TMEM123: variants seen among roughly 807,000 people sequenced by gnomAD.
TMEM123 encodes the protein porimin.
TMEM123 carries 16 observed loss-of-function variants against 19.7 expected under a neutral mutation model. That is an observed-to-expected ratio of 0.81 (90% CI 0.55 to 1.23). TMEM123 has a LOEUF of 1.23. Ranked by LOEUF, TMEM123 falls within the 50% of genes most tolerant of loss-of-function variation. The pLI, the probability that TMEM123 is intolerant of heterozygous loss-of-function variation, is 0.00. For synonymous variants in TMEM123, 118 were observed against 99.4 expected, an observed-to-expected ratio of 1.19 and a Z score of -1.12; for missense variants, 313 against 257.8, an observed-to-expected ratio of 1.21 and a Z score of -1.47.
chr11:102,451,209 C>T (rs564303881), intron 1 of TMEM123: 1 of 152,362 alleles, frequency 6.6e-6, no homozygotes, highest in Admixed American at 6.5e-5. Flanking sequence ...CACAGTTTCT[C>T]TAATCGGTAA....
At chr11:102,433,775 GT>G (rs1387129330) in intron 2 of TMEM123, among the ~76,000 whole-genome samples, 1 of 151,690 alleles carries the variant, frequency 6.6e-6, no homozygotes, top group East Asian at 1.9e-4. Context: ...CATAGGGGTG[GT>G]TTCCCCTACG....
At chr11:102,452,391 A>T (rs1016316609) in intron 1 of TMEM123, 133 bp downstream of exon 1, 7 of 701,792 alleles carry the variant, frequency 1.0e-5, no homozygotes, top group Non-Finnish European at 1.0e-5. Flanking sequence ...CCGCCCGGTC[A>T]CCTCTGGGTC....
At chr11:102,437,707 A>G (rs1046335509) in intron 2 of TMEM123, among the ~76,000 whole-genome samples, 2 of 152,188 alleles carry the variant, frequency 1.3e-5, no homozygotes, top group African/African-American at 2.4e-5. Flanking sequence ...TAGAATCACT[A>G]TAGAATTTAA....
rs779763660 is a variant in TMEM123, at chr11:102,402,056, A to T, written c.308T>A (p.Val103Asp). 2 of 1,613,572 alleles carry T rather than the reference A, an allele frequency of 1.2e-6. No individual in the cohort carries two copies. The highest frequency in any genetic ancestry group is 1.7e-6 in the Non-Finnish European group (2 of 1,179,876). The part of the protein sequence containing the change: ...AASNTTTPGM[V>D]STNMTSTTLK... ...GGTGGTAGAAGTCATATTTGTTGAG[A>T]CCATCCCTGGTGTTGTTGTATTAGA... is the stretch of plus-strand genomic sequence containing the variant. The change falls in exon 3 of 5, where the codon GTC (valine) becomes GAC (aspartate). Residue 103 changes from valine to aspartate, a missense_variant. Transcript: ENST00000398136.
At chr11:102,422,424 A>G (rs1952095261) in intron 2 of TMEM123, among the ~76,000 whole-genome samples, 1 of 152,096 alleles carries the variant, frequency 6.6e-6, no homozygotes, top group Non-Finnish European at 1.5e-5. Flanking sequence ...CAGTGAGCCG[A>G]GATTGTGTCA....
chr11:102,423,208 A>G (rs1293300916), intron 2 of TMEM123, among the ~76,000 whole-genome samples: 3 of 152,234 alleles, frequency 2.0e-5, no homozygotes, highest in Non-Finnish European at 4.4e-5. Context: ...ACAGCTATAC[A>G]TACTGTGGTG....
At chr11:102,413,548 G>A (rs934223149) in intron 2 of TMEM123, among the ~76,000 whole-genome samples, 16 of 152,152 alleles carry the variant, frequency 1.1e-4, no homozygotes, top group Middle Eastern at 3.4e-3. Flanking sequence ...GCTTAACTTC[G>A]AGGGGCCAGA....
chr11:102,449,202 G>A (rs1179269587), intron 1 of TMEM123: 2 of 273,436 alleles, frequency 7.3e-6, no homozygotes, highest in South Asian at 4.0e-5. Context: ...TGCCACTGAG[G>A]ACTCTGCTCT....
intron 2 of TMEM123, among the ~76,000 whole-genome samples, chr11:102,433,229 C>A (rs1857730884): frequency 6.6e-6 from 1 of 151,958 alleles, no homozygotes. Flanking sequence ...TCAACGCCAG[C>A]TAGTGACAGC....
intron 2 of TMEM123, among the ~76,000 whole-genome samples, chr11:102,438,093 AC>A (rs1857784251): frequency 6.6e-6 from 1 of 152,078 alleles, no homozygotes; most frequent in Admixed American, 6.5e-5. Flanking sequence ...TTGCTCTGTC[AC>A]CCAGGCTGGA....
intron 2 of TMEM123, among the ~76,000 whole-genome samples, chr11:102,442,742 G>C (rs1213805462): frequency 2.0e-5 from 3 of 152,180 alleles, no homozygotes; most frequent in Non-Finnish European, 1.5e-5. Flanking sequence ...ATTAGGAAAA[G>C]AGGAAGTCAA....
chr11:102,402,127 T>C lies in TMEM123; in HGVS notation c.237A>G (p.Ser79=), dbSNP rs201136572. Residue 79 remains serine, a synonymous_variant, in exon 3 of 5, where the codon TCA becomes TCG. Coordinates refer to ENST00000398136, the MANE Select transcript of TMEM123 (RefSeq NM_052932.3). ...STVKPPTSVA[S]DSSNTTVTTM... is the part of the protein sequence containing the mutation. Reference sequence around the variant, plus strand: ...TGGTGACCGTTGTATTACTGGAGTCTGAGGCAACTGAAGTTGGTGGTTTCA... The same window carrying C: ...TGGTGACCGTTGTATTACTGGAGTCCGAGGCAACTGAAGTTGGTGGTTTCA... 6.2e-6 allele frequency: 10 copies of C among 1,614,190 alleles called. No individual in the cohort carries two copies. Among genetic ancestry groups the C allele is most frequent in the African/African-American group, 4.0e-5 (3 of 75,044 alleles).
Position 102,452,755 on chromosome 11 carries a change from G to C in TMEM123, c.-132C>G. 1.5e-6 allele frequency: 1 copy of C among 663,466 alleles called. No homozygotes were observed. The highest frequency in any genetic ancestry group is 2.2e-6 in the Non-Finnish European group (1 of 456,588). The allele number at this position is 663,466 out of a possible 1,614,324, so 41.1% of individuals were successfully genotyped here. On this transcript the variant is annotated 5_prime_UTR_variant, in exon 1 of 5. Transcript: ENST00000398136. Reference sequence around the variant, plus strand: ...GCGCACGTTTCCCCTCCCGCCGCTTGCCCCCCGAATGACCAAATAGGGCGC... The same window carrying C: ...GCGCACGTTTCCCCTCCCGCCGCTTCCCCCCCGAATGACCAAATAGGGCGC...
At chr11:102,411,314 A>G (rs1374992229) in intron 2 of TMEM123, among the ~76,000 whole-genome samples, 2 of 152,086 alleles carry the variant, frequency 1.3e-5, no homozygotes, top group Non-Finnish European at 2.9e-5. Flanking sequence ...GTTCCCAGAG[A>G]GCGTATCGAA....
chr11:102,433,020 G>C (rs751891804), intron 2 of TMEM123, among the ~76,000 whole-genome samples: 1 of 152,144 alleles, frequency 6.6e-6, no homozygotes, highest in East Asian at 1.9e-4. Flanking sequence ...CCAGGCAGAA[G>C]TTTGCTGCAG....
rs141288663 is a variant in TMEM123 at position 102,416,736 on chromosome 11, A to G, written c.158-14530T>C. 7.5e-4 allele frequency among the ~76,000 whole-genome samples: 114 copies of G among 152,290 alleles called. 1 individual carries two copies. Among genetic ancestry groups the G allele is most frequent in the African/African-American group, 2.5e-3 (103 of 41,576 alleles). On this transcript the variant is annotated intron_variant, in intron 2 of 4. Coordinates refer to ENST00000398136, the MANE Select transcript of TMEM123 (RefSeq NM_052932.3). ...GCCAATATCCCTGATAAACATAGAT[A>G]CAAAAATCCTCAAGAAAATACTAGC...
intron 2 of TMEM123, among the ~76,000 whole-genome samples, chr11:102,434,752 C>T (rs1381433390): frequency 6.6e-6 from 1 of 151,666 alleles, no homozygotes; most frequent in Non-Finnish European, 1.5e-5. Flanking sequence ...GTTGATTTTT[C>T]CATATGGAAA....
intron 1 of TMEM123, among the ~76,000 whole-genome samples, chr11:102,450,353 T>C (rs1223479709): frequency 6.6e-6 from 1 of 152,164 alleles, no homozygotes; most frequent in Non-Finnish European, 1.5e-5. Context: ...TCAAGGTGGG[T>C]TTCTGTCACT....
At chr11:102,407,728 C>T (rs1385430777) in intron 2 of TMEM123, among the ~76,000 whole-genome samples, 1 of 152,150 alleles carries the variant, frequency 6.6e-6, no homozygotes, top group East Asian at 1.9e-4. Context: ...TTGCCACAAA[C>T]CGCCAGAAGC....
Sources: allele counts gnomAD v4.1 joint callset (sites outside exome capture counted in the v4.1 genomes callset), GRCh38; gene constraint gnomAD v4.1.1; transcripts MANE v1.5; gene names NCBI Gene and HGNC (gene_info 2026-07-23, HGNC 2026-07-21).